The following MADD variants were observed in gnomAD, a reference collection of about 807,000 sequenced individuals.
MADD encodes MAP kinase-activating death domain protein.
MADD carries 109 observed loss-of-function variants against 176.7 expected under a neutral mutation model. The ratio of observed to expected loss-of-function variants is 0.62; its 90% CI spans 0.53 to 0.72. The LOEUF is 0.72. Among genes scored for constraint, MADD ranks in the 30% least tolerant of loss-of-function variants. MADD has a pLI of 0.00. For synonymous variants in MADD, 771 were observed against 771.3 expected (o/e 1.00, Z 0.01); for missense variants, 1,914 against 2,045.5 (o/e 0.94, Z 1.24).
At chr11:47,275,257 C>A in intron 3 of MADD, 98 bp downstream of exon 3, 1 of 990,206 alleles carries the variant, frequency 1.0e-6, no homozygotes, top group Non-Finnish European at 1.5e-6. Context: ...AGCTCAAGGT[C>A]CTTCAGACCT....
chr11:47,275,301 T>G lies in MADD; in HGVS notation c.659+142T>G, dbSNP rs553442178. 18 of 810,152 alleles carry G rather than the reference T, an allele frequency of 2.2e-5. No homozygotes were observed. In the East Asian group the frequency reaches 4.0e-4, roughly 18 times the overall value. The allele number at this position is 810,152 out of a possible 1,614,324, so 50.2% of individuals were successfully genotyped here. On this transcript the variant is annotated intron_variant, in intron 3 of 32. Transcript: ENST00000402192. ...TATTTAGAGTATTTAGAGTTAATCT[T>G]TTTTCTTTTGGAGACAGTCTCGCTC...
chr11:47,322,575 G>A (rs2094661798), intron 27 of MADD, among the ~76,000 whole-genome samples: 1 of 152,148 alleles, frequency 6.6e-6, no homozygotes, highest in Non-Finnish European at 1.5e-5. Flanking sequence ...TTGCGCCACT[G>A]CACTCCAGCC....
At chr11:47,308,494 G>T in intron 22 of MADD, 97 bp from the exon 25 acceptor site, 1 of 763,362 alleles carries the variant, frequency 1.3e-6, no homozygotes. Flanking sequence ...GCTAATGGAT[G>T]GTGACTGGTG....
rs762316775 is a variant in MADD at position 47,276,757 on chromosome 11, A to G, written c.989A>G (p.Asn330Ser). The G allele has an allele frequency of 2.0e-5, 32 of 1,614,014 alleles. No homozygotes were observed. The Admixed American group carries it at 2.0e-4, about 10-fold the overall frequency. ...GTGGTGCTACAGTCCCGAGACTACA[A>G]TGCACTCTCCATGTCTGTGATGGCA... The change falls in exon 5 of 33, where the codon AAT becomes AGT. Residue 330 changes from asparagine (N) to serine (S), a missense_variant. Asn to Ser is a conservative substitution (Grantham distance 46). Transcript: ENST00000402192.
At chr11:47,299,951 G>C (rs1331946775) in intron 22 of MADD, among the ~76,000 whole-genome samples, 1 of 152,158 alleles carries the variant, frequency 6.6e-6, no homozygotes, top group African/African-American at 2.4e-5. Context: ...AGACATCCTT[G>C]TCTTGCTACA....
chr11:47,304,911 ATGCAGTTGGGTTTTAGTG>A (rs1404137287), intron 22 of MADD, among the ~76,000 whole-genome samples: 1 of 152,082 alleles, frequency 6.6e-6, no homozygotes, highest in East Asian at 1.9e-4. Flanking sequence ...AGACTTTCAC[ATGCAGTTGGGTTTTAGTG>A]TGCCAGTTGG....
At chr11:47,276,658 T>C in intron 4 of MADD, 74 bp from the exon 5 acceptor site, 1 of 1,559,960 alleles carries the variant, frequency 6.4e-7, no homozygotes, top group Non-Finnish European at 8.8e-7. Flanking sequence ...AACCAAGTTG[T>C]AATGTTGGAA....
chr11:47,298,077 C>T (rs1487769701), intron 22 of MADD, among the ~76,000 whole-genome samples: 2 of 152,056 alleles, frequency 1.3e-5, no homozygotes, highest in East Asian at 1.9e-4. Flanking sequence ...CATGAGCCAC[C>T]GCGCCCGGCC....
chr11:47,278,148 C>G lies in MADD; in HGVS notation c.1096-17C>G. ...AGGTTTTGTCTTTGTTTCTCACCTT[C>G]TTTATCATTTCCACAGCTGCTGTTG... On this transcript the variant is annotated splice_polypyrimidine_tract_variant and intron_variant, in intron 5 of 32. Coordinates refer to ENST00000402192, the Ensembl canonical transcript of MADD. The G allele has an allele frequency of 1.3e-6, 2 of 1,562,768 alleles. No homozygotes were observed. Among genetic ancestry groups the G allele is most frequent in the African/African-American group, 1.4e-5 (1 of 73,918 alleles).
At chr11:47,304,539 A>AT (rs2080993556) in intron 22 of MADD, among the ~76,000 whole-genome samples, 1 of 151,752 alleles carries the variant, frequency 6.6e-6, no homozygotes, top group South Asian at 2.1e-4. Flanking sequence ...CCTCTATTGT[A>AT]TTTTTTAAAC....
chr11:47,315,791 A>T (rs2092654252), intron 27 of MADD, among the ~76,000 whole-genome samples: 2 of 149,032 alleles, frequency 1.3e-5, no homozygotes. Context: ...TCAGATTGTT[A>T]TTCAAATAAT....
rs2095272327 is a variant in MADD at position 47,325,057 on chromosome 11, C to T, written c.4542+480C>T. 1 of 389,486 alleles carries T rather than the reference C, an allele frequency of 2.6e-6. No individual in the cohort carries two copies. Among genetic ancestry groups the T allele is most frequent in the Non-Finnish European group, 4.7e-6 (1 of 213,594 alleles). 24.1% of individuals were successfully genotyped at this position (389,486 alleles called of 1,614,324 possible). On this transcript the variant is annotated intron_variant, in intron 30 of 32. Transcript: ENST00000402192. The surrounding 1 kb of genome is among the most constrained non-coding windows in gnomAD (Gnocchi z 4.5). Reference sequence around the variant, plus strand: ...TGTAAGTAGCTTGTATCTGTCCTCTCTGGAGTGTGTTTATTTGCCTTTTTC... The same window carrying T: ...TGTAAGTAGCTTGTATCTGTCCTCTTTGGAGTGTGTTTATTTGCCTTTTTC...
intron 7 of MADD, among the ~76,000 whole-genome samples, chr11:47,280,204 C>T (rs1205685033): frequency 2.6e-5 from 4 of 152,160 alleles, no homozygotes; most frequent in Admixed American, 2.6e-4. Flanking sequence ...CTTCCTCTGC[C>T]TTATGTGTTG....
chr11:47,278,303 T>C (rs2052504169), intron 6 of MADD, 25 bp downstream of exon 6: 3 of 1,522,934 alleles, frequency 2.0e-6, no homozygotes, highest in Non-Finnish European at 2.7e-6. Context: ...TGAGGCATTG[T>C]AGAGTCTAGA....
chr11:47,317,971 T>G (rs929847674), intron 27 of MADD, among the ~76,000 whole-genome samples: 2 of 152,128 alleles, frequency 1.3e-5, no homozygotes, highest in African/African-American at 4.8e-5. Context: ...GGTTTTACCA[T>G]GTTGGCCAGG....
At chr11:47,285,493 T>G in exon 14 of MADD, 1 of 1,614,184 alleles carries the variant, frequency 6.2e-7, no homozygotes, top group East Asian at 2.2e-5. Context: ...GACTGGCAAG[T>G]GACTCAGATG....
At chr11:47,282,813 A>G (rs779249503) in exon 10 of MADD, 12 of 1,612,906 alleles carry the variant, frequency 7.4e-6, no homozygotes, top group Non-Finnish European at 1.0e-5. Flanking sequence ...CATGGGGTAG[A>G]TATGTTTGAT....
chr11:47,293,723 T>A (rs7124955), intron 19 of MADD, among the ~76,000 whole-genome samples, 160 bp from the exon 22 acceptor site: 63,749 of 151,910 alleles, frequency 0.42, 14,788 homozygotes, highest in East Asian at 0.69. Flanking sequence ...GCATCTGGGG[T>A]CCTCTTTTTC....
chr11:47,271,976 A>G (rs748032887), intron 1 of MADD: 4 of 152,230 alleles, frequency 2.6e-5, no homozygotes, highest in Non-Finnish European at 4.4e-5. Flanking sequence ...AAATGAATAT[A>G]TGGCGTGCTC....
Sources: allele counts gnomAD v4.1 joint callset (sites outside exome capture counted in the v4.1 genomes callset), GRCh38; gene constraint gnomAD v4.1.1; non-coding constraint Gnocchi (gnomAD v3.1); transcripts MANE v1.5; gene names NCBI Gene and HGNC (gene_info 2026-07-23, HGNC 2026-07-21).